Variants in USP37 observed in about 807,000 individuals in gnomAD.
USP37 encodes ubiquitin specific peptidase 37, also known as ubiquitin carboxyl-terminal hydrolase 37.
In USP37, 27 loss-of-function variants were observed where a neutral mutation model predicts 124.0. The ratio of observed to expected loss-of-function variants is 0.22; its 90% CI spans 0.16 to 0.30. The LOEUF (loss-of-function observed/expected upper bound fraction) is 0.30, where lower values mean the gene tolerates loss of function less well. Ranked by LOEUF, USP37 falls within the 10% of genes least tolerant of loss-of-function variation. The pLI is 1.00. For missense variants in USP37, 889 were observed against 1,140.4 expected (o/e 0.78, Z 3.17); for synonymous variants, 365 against 388.0 (o/e 0.94, Z 0.70).
At chr2:218,503,486 C>T (rs1689505935) in intron 11 of USP37, among the ~76,000 whole-genome samples, 1 of 152,114 alleles carries the variant, frequency 6.6e-6, no homozygotes, top group African/African-American at 2.4e-5. Context: ...GAGGCCGAGG[C>T]GGGCAGATCA....
Position 218,546,306 on chromosome 2 carries a change from G to A in USP37, c.603-8C>T. ...CTTTTCCTCTTTTCAGTACTACAGA[G>A]AACAAAGAAAAGGTTACTTTTAAAA... On this transcript the variant is annotated splice_polypyrimidine_tract_variant and splice_region_variant and intron_variant, in intron 7 of 25. Coordinates refer to ENST00000258399, the MANE Select transcript of USP37 (RefSeq NM_020935.3). 1 of 1,600,266 alleles carries A rather than the reference G, an allele frequency of 6.2e-7. No individual in the cohort carries two copies.
At chr2:218,496,629 C>T (rs914827034) in intron 13 of USP37, among the ~76,000 whole-genome samples, 3 of 24,516 alleles carry the variant, frequency 1.2e-4, no homozygotes, top group African/African-American at 4.0e-4. Context: ...AATCTTACTA[C>T]AGCTCCTTAG....
chr2:218,450,867 A>C lies in USP37; in HGVS notation c.*4063T>G, dbSNP rs1003366922. 7 of 152,218 alleles carry C rather than the reference A, an allele frequency of 4.6e-5. No individual in the cohort carries two copies. The highest frequency in any genetic ancestry group is 1.7e-4 in the African/African-American group (7 of 41,462). 9.4% of individuals were successfully genotyped at this position (152,218 alleles called of 1,614,324 possible). A position where few individuals can be genotyped will look rare whatever the true frequency, so the allele number is the denominator to read the frequency against. On this transcript the variant is annotated 3_prime_UTR_variant, in exon 26 of 26. Coordinates refer to ENST00000258399, the MANE Select transcript of USP37 (RefSeq NM_020935.3). The stretch of plus-strand genomic sequence containing the variant: ...ATATTCAGACTGGCACACTTTTTAA[A>C]TAAAAACTCCATACACCTCAGACAT...
At chr2:218,544,406 AATAT>A (rs1198499526) in intron 8 of USP37, among the ~76,000 whole-genome samples, 58 of 82,954 alleles carry the variant, frequency 7.0e-4, no homozygotes, top group African/African-American at 3.5e-3. Flanking sequence ...AAAAAAAAAA[AATAT>A]ATATATATAT....
chr2:218,457,617 A>C (rs1189895312), intron 23 of USP37, among the ~76,000 whole-genome samples: 1 of 152,252 alleles, frequency 6.6e-6, no homozygotes, highest in African/African-American at 2.4e-5. Flanking sequence ...AAAATGTTAA[A>C]AAGAGTTGCT....
chr2:218,470,985 G>C (rs560865428), intron 20 of USP37, among the ~76,000 whole-genome samples: 169 of 152,306 alleles, frequency 1.1e-3, no homozygotes, highest in Middle Eastern at 6.8e-3. Flanking sequence ...GAGAAAAAGA[G>C]AGAAATAAGT....
In USP37 at chr2:218,549,473, T is replaced by C. The variant is rs1011989884; in HGVS notation, c.429+336A>G. Among the ~76,000 whole-genome samples the C allele has an allele frequency of 2.0e-5, 3 of 151,162 alleles. No homozygotes were observed. In the South Asian group the frequency reaches 6.4e-4, roughly 32 times the overall value. On this transcript the variant is annotated intron_variant, in intron 6 of 25. Coordinates refer to ENST00000258399, the MANE Select transcript of USP37 (RefSeq NM_020935.3). ...GATAGTCTATGACTATCTTTTTTTT[T>C]TTTTTTTTTGAGATGGAGTCTTGCT... is the stretch of plus-strand genomic sequence containing the variant.
At chr2:218,487,282 A>T (rs1200554441) in intron 15 of USP37, among the ~76,000 whole-genome samples, 4 of 152,228 alleles carry the variant, frequency 2.6e-5, no homozygotes. Context: ...GGTACGTACA[A>T]CCTAAGAAAG....
At chr2:218,455,436 T>G in intron 25 of USP37, 144 bp downstream of exon 25, 2 of 1,002,636 alleles carry the variant, frequency 2.0e-6, no homozygotes, top group Middle Eastern at 3.0e-4. Context: ...TATCAAGAGA[T>G]AGACCCTAAC....
chr2:218,463,343 ATCT>A lies in USP37; in HGVS notation c.2487_2489del (p.Glu829del). 1.2e-6 allele frequency: 2 copies of A among 1,614,042 alleles called. No homozygotes were observed. The highest frequency in any genetic ancestry group is 1.7e-6 in the Non-Finnish European group (2 of 1,180,014). Reference sequence around the variant, plus strand: ...ACTCGGTAGCTCTTTTGAGGTCATCATCTTCTTTCTGTTCCCAAGCCTCCTAAA... The same window carrying A: ...ACTCGGTAGCTCTTTTGAGGTCATCATCTTTCTGTTCCCAAGCCTCCTAAA... On this transcript the variant is annotated inframe_deletion, in exon 22 of 26. Coordinates refer to ENST00000258399, the MANE Select transcript of USP37 (RefSeq NM_020935.3).
intron 11 of USP37, 169 bp from the exon 12 acceptor site, chr2:218,498,326 A>T: frequency 3.7e-6 from 2 of 547,540 alleles, no homozygotes; most frequent in African/African-American, 2.0e-5. Flanking sequence ...TTGGACACAA[A>T]TGTGTCCAAA....
In USP37 at chr2:218,467,800, C is replaced by A. The variant is rs550615073; in HGVS notation, c.2300-1624G>T. 4.9e-4 allele frequency among the ~76,000 whole-genome samples: 75 copies of A among 151,736 alleles called. 2 individuals carry two copies. Among genetic ancestry groups the A allele is most frequent in the African/African-American group, 1.8e-3 (74 of 41,372 alleles). Reference sequence around the variant, plus strand: ...CTCCCGGCCTGTTCCTTCTCAATTTCTAGACTACGGCTAGCTAAAATAAAC... The same window carrying A: ...CTCCCGGCCTGTTCCTTCTCAATTTATAGACTACGGCTAGCTAAAATAAAC... On this transcript the variant is annotated intron_variant, in intron 20 of 25. Coordinates refer to ENST00000258399, the MANE Select transcript of USP37 (RefSeq NM_020935.3).
At chr2:218,479,982 C>A (rs1356156396) in intron 17 of USP37, among the ~76,000 whole-genome samples, 4 of 151,934 alleles carry the variant, frequency 2.6e-5, no homozygotes, top group African/African-American at 9.7e-5. Context: ...CCTGTCTCTA[C>A]TAAAAATACA....
At chr2:218,467,459 C>G (rs76592198) in intron 20 of USP37, among the ~76,000 whole-genome samples, 3,659 of 152,202 alleles carry the variant, frequency 0.024, 148 homozygotes, top group African/African-American at 0.084. Context: ...AGCGATTCTC[C>G]TGCTTCAGCC....
intron 18 of USP37, among the ~76,000 whole-genome samples, chr2:218,479,417 T>A (rs1424053643): frequency 2.0e-5 from 3 of 152,182 alleles, no homozygotes; most frequent in Non-Finnish European, 2.9e-5. Flanking sequence ...TTTTTAAAAG[T>A]TTTAAGACAG....
chr2:218,493,399 C>A (rs537671270), intron 14 of USP37, among the ~76,000 whole-genome samples: 15 of 152,320 alleles, frequency 9.8e-5, no homozygotes, highest in Non-Finnish European at 2.1e-4. Flanking sequence ...GCATATCCAA[C>A]ATCTGGGTGC....
chr2:218,534,358 A>C (rs1691502345), intron 9 of USP37, among the ~76,000 whole-genome samples: 1 of 152,182 alleles, frequency 6.6e-6, no homozygotes, highest in Non-Finnish European at 1.5e-5. Flanking sequence ...GCATGATAGA[A>C]CACACCTGCA....
At chr2:218,507,817 T>C (rs1159739042) in intron 11 of USP37, among the ~76,000 whole-genome samples, 8 of 152,226 alleles carry the variant, frequency 5.3e-5, no homozygotes, top group Non-Finnish European at 1.0e-4. Context: ...CTATAAGTAA[T>C]GATTCTTTGA....
At chr2:218,535,854 CAA>C (rs34543341) in intron 8 of USP37, among the ~76,000 whole-genome samples, 43 of 141,134 alleles carry the variant, frequency 3.0e-4, no homozygotes, top group South Asian at 4.6e-4. Context: ...GACTCTGTCT[CAA>C]AAAAAAAAAA....
Sources: allele counts gnomAD v4.1 joint callset (sites outside exome capture counted in the v4.1 genomes callset), GRCh38; gene constraint gnomAD v4.1.1; transcripts MANE v1.5; gene names NCBI Gene and HGNC (gene_info 2026-07-23, HGNC 2026-07-21).